DST: variants seen among roughly 807,000 people sequenced by gnomAD.
DST encodes dystonin.
DST carries 253 observed loss-of-function variants against 875.2 expected under a neutral mutation model. The observed-to-expected ratio is 0.29, with a 90% CI of 0.26 to 0.32. The LOEUF is 0.32. Ranked by LOEUF, DST falls within the 10% of genes least tolerant of loss-of-function variation. The pLI is 1.00. For synonymous variants in DST, 3,124 were observed against 3,197.1 expected (o/e 0.98, Z 0.77); for missense variants, 8,287 against 9,111.6 (o/e 0.91, Z 3.68).
intron 58 of DST, among the ~76,000 whole-genome samples, chr6:56,557,843 C>T (rs2097453423): frequency 1.3e-5 from 2 of 152,134 alleles, no homozygotes; most frequent in African/African-American, 4.8e-5. Context: ...CTATGACTTA[C>T]TAGAACAATG....
chr6:56,712,483 A>C (rs2099374818), intron 5 of DST, among the ~76,000 whole-genome samples: 1 of 152,224 alleles, frequency 6.6e-6, no homozygotes, highest in Non-Finnish European at 1.5e-5. Flanking sequence ...TTTTGATGGA[A>C]ATAAGTGAAA....
rs189615694 is a variant in DST, at chr6:56,602,782, T to A, written c.11307+100A>T. ...CTCTAGAGACAAAGAAAGGAAATAA[T>A]CCTTTGTAGCCTTAGCAAAGTCATA... On this transcript the variant is annotated intron_variant, in intron 43 of 103. Coordinates refer to ENST00000680361, the MANE Select transcript of DST (RefSeq NM_001374736.1). 283 of 876,268 alleles carry A rather than the reference T, an allele frequency of 3.2e-4. No homozygotes were observed. The African/African-American group carries it at 4.6e-3, about 14-fold the overall frequency. The allele number at this position is 876,268 out of a possible 1,614,324, so 54.3% of individuals were successfully genotyped here.
chr6:56,629,548 A>C (rs2098760140), intron 31 of DST, 105 bp from the exon 32 acceptor site: 2 of 874,498 alleles, frequency 2.3e-6, no homozygotes, highest in Non-Finnish European at 3.6e-6. Context: ...CAGGTAGAAA[A>C]TAAGATAAAG....
intron 46 of DST, among the ~76,000 whole-genome samples, 175 bp from the exon 47 acceptor site, chr6:56,598,181 A>C (rs367761844): frequency 7.2e-4 from 110 of 152,378 alleles, no homozygotes; most frequent in African/African-American, 2.5e-3. Context: ...AGTTACTTTG[A>C]AGTTTCCCCT....
chr6:56,578,754 T>A, intron 50 of DST, 60 bp downstream of exon 50: 2 of 1,574,638 alleles, frequency 1.3e-6, no homozygotes, highest in Non-Finnish European at 1.7e-6. Flanking sequence ...CCATATCTAT[T>A]AGGACACCTT....
intron 3 of DST, among the ~76,000 whole-genome samples, chr6:56,888,340 G>A (rs1312747655): frequency 6.6e-6 from 1 of 152,108 alleles, no homozygotes; most frequent in African/African-American, 2.4e-5. Context: ...TTGAATGGGT[G>A]TCATTCAAAA....
chr6:56,575,203 CTAGT>C (rs1240746818), intron 50 of DST, among the ~76,000 whole-genome samples: 5 of 151,960 alleles, frequency 3.3e-5, no homozygotes, highest in Admixed American at 1.3e-4. Context: ...CTGGAAACTA[CTAGT>C]TGGGGGAGAG....
chr6:56,777,497 A>G (rs766646834), intron 4 of DST, among the ~76,000 whole-genome samples: 17 of 152,100 alleles, frequency 1.1e-4, no homozygotes, highest in Non-Finnish European at 2.1e-4. Context: ...AACTTACAGC[A>G]TGATGGAACA....
Position 56,610,539 on chromosome 6 carries a change from T to A in DST, c.5171A>T (p.Glu1724Val). The change falls in exon 39 of 104, where the codon GAA becomes GTA. Residue 1724 changes from glutamate (E) to valine (V), a missense_variant. By Grantham distance (121) the Glu-to-Val change is moderately radical (BLOSUM62 -2). Transcript: ENST00000680361. ...AAGAGTTTTCACTTGTTTTTCCAAT[T>A]CATTTCTTTCTTCATCTGTCATTCT... ...GDKMTDEERNELEKQVKTLQE... is the reference protein window; with the variant it reads ...GDKMTDEERNVLEKQVKTLQE... The A allele has an allele frequency of 6.4e-7, 1 of 1,572,646 alleles. No homozygotes were observed. The highest frequency in any genetic ancestry group is 1.4e-5 in the African/African-American group (1 of 73,630).
At chr6:56,910,981 T>C (rs1200908382) in intron 2 of DST, among the ~76,000 whole-genome samples, 1 of 152,176 alleles carries the variant, frequency 6.6e-6, no homozygotes, top group Non-Finnish European at 1.5e-5. Flanking sequence ...TATTTTAAAA[T>C]CTCTTAATAA....
At chr6:56,765,071 T>C (rs1431229064) in intron 4 of DST, among the ~76,000 whole-genome samples, 1 of 152,106 alleles carries the variant, frequency 6.6e-6, no homozygotes, top group African/African-American at 2.4e-5. Context: ...GCCTGCTACT[T>C]GCTAGCCGTA....
At chr6:56,868,621 A>G (rs1243371258) in intron 3 of DST, among the ~76,000 whole-genome samples, 1 of 152,238 alleles carries the variant, frequency 6.6e-6, no homozygotes, top group East Asian at 1.9e-4. Flanking sequence ...TTAACTACCA[A>G]AAACAAAAAT....
At chr6:56,761,213 C>G (rs2099616428) in intron 4 of DST, among the ~76,000 whole-genome samples, 1 of 152,198 alleles carries the variant, frequency 6.6e-6, no homozygotes, top group South Asian at 2.1e-4. Flanking sequence ...CCCAGTCAAG[C>G]CTTCAGAGGA....
At chr6:56,670,429 G>C (rs2099095692) in intron 10 of DST, 1 of 359,968 alleles carries the variant, frequency 2.8e-6, no homozygotes. Flanking sequence ...GAACTCCCAG[G>C]CTCAAGCAAT....
At chr6:56,951,783 T>C (rs918614374) in intron 2 of DST, among the ~76,000 whole-genome samples, 1 of 152,246 alleles carries the variant, frequency 6.6e-6, no homozygotes, top group African/African-American at 2.4e-5. Context: ...CCATTTTGTT[T>C]CAATTTGTGA....
At chr6:56,499,025 A>G (rs1457812226) in intron 80 of DST, among the ~76,000 whole-genome samples, 4 of 152,172 alleles carry the variant, frequency 2.6e-5, no homozygotes, top group African/African-American at 9.7e-5. Flanking sequence ...TAAAAATATC[A>G]ATTTCTTTTA....
intron 2 of DST, among the ~76,000 whole-genome samples, chr6:56,938,912 A>C (rs1354263223): frequency 6.6e-6 from 1 of 152,262 alleles, no homozygotes; most frequent in Non-Finnish European, 1.5e-5. Context: ...CCTGACTCAG[A>C]CCAGACCAAG....
intron 3 of DST, chr6:56,852,151 T>A: frequency 1.2e-6 from 1 of 860,940 alleles, no homozygotes; most frequent in African/African-American, 1.8e-5. Context: ...TCCTCTTTAT[T>A]TAATTTTCTT....
chr6:56,770,757 T>A (rs1278736416), intron 4 of DST, among the ~76,000 whole-genome samples: 2 of 152,078 alleles, frequency 1.3e-5, no homozygotes, highest in Admixed American at 1.3e-4. Context: ...TCCCAACACT[T>A]TGGGAGGCCG....
Sources: gnomAD v4.1 joint callset for allele counts (sites outside exome capture counted in the v4.1 genomes callset) on GRCh38, gnomAD v4.1.1 for gene constraint, MANE v1.5 for transcripts, NCBI Gene and HGNC (gene_info 2026-07-23, HGNC 2026-07-21) for gene names.